Variants in SCAND3 observed in about 807,000 individuals in gnomAD.
SCAND3 encodes the protein SCAN domain containing 3.
At chr6:28,598,739 C>T in the SCAND3 span, among the ~76,000 whole-genome samples, 10,844 of 141,702 alleles carry the variant, frequency 0.077, 960 homozygotes, top group African/African-American at 0.21. Flanking sequence ...TAGCTGAGTG[C>T]GGCGGCGCGC....
chr6:28,585,404 A>G, the SCAND3 span: 1 of 152,198 alleles, frequency 6.6e-6, no homozygotes, highest in East Asian at 1.9e-4. Flanking sequence ...TGTGGGGGCA[A>G]ATGGGAATTA....
chr6:28,589,542 AACTTTG>A, the SCAND3 span: 1 of 152,130 alleles, frequency 6.6e-6, no homozygotes, highest in Non-Finnish European at 1.5e-5. Flanking sequence ...CGTCGAAAAC[AACTTTG>A]TGGTCGCGTG....
the SCAND3 span, among the ~76,000 whole-genome samples, chr6:28,584,020 T>A: frequency 2.0e-5 from 3 of 152,180 alleles, no homozygotes; most frequent in Non-Finnish European, 2.9e-5. Flanking sequence ...TCAGGGAGAA[T>A]TGTATATCAC....
chr6:28,605,473 A>G, the SCAND3 span, among the ~76,000 whole-genome samples: 3 of 152,218 alleles, frequency 2.0e-5, no homozygotes, highest in East Asian at 1.9e-4. Context: ...TAGTATTCCA[A>G]TGGAGAACGT....
the SCAND3 span, among the ~76,000 whole-genome samples, chr6:28,581,345 T>C: frequency 6.6e-6 from 1 of 151,980 alleles, no homozygotes; most frequent in African/African-American, 2.4e-5. Flanking sequence ...CTCAAATAAA[T>C]AAATAAAAAT....
the SCAND3 span, among the ~76,000 whole-genome samples, chr6:28,584,031 A>G: frequency 6.6e-6 from 1 of 152,178 alleles, no homozygotes; most frequent in African/African-American, 2.4e-5. Flanking sequence ...TGTATATCAC[A>G]CCCCGTGCAA....
the SCAND3 span, chr6:28,586,283 C>T: frequency 1.3e-6 from 2 of 1,571,866 alleles, no homozygotes; most frequent in Non-Finnish European, 1.7e-6. This position sits in a 1 kb window ranked among gnomAD's most constrained non-coding sequence, Gnocchi z 4.4. Context: ...GAAGATGGCA[C>T]CTCCAATTTC....
chr6:28,586,755 T>C, the SCAND3 span: 2 of 1,572,216 alleles, frequency 1.3e-6, no homozygotes, highest in South Asian at 1.2e-5. This position sits in a 1 kb window ranked among gnomAD's most constrained non-coding sequence, Gnocchi z 4.4. Context: ...TTCTCTCCAG[T>C]TGGGGTCTAG....
chr6:28,598,207 C>T, the SCAND3 span, among the ~76,000 whole-genome samples: 1 of 152,254 alleles, frequency 6.6e-6, no homozygotes, highest in African/African-American at 2.4e-5. Context: ...TAACCAACTC[C>T]ATCCCATAAT....
the SCAND3 span, among the ~76,000 whole-genome samples, chr6:28,598,859 A>G: frequency 7.1e-6 from 1 of 140,186 alleles, no homozygotes; most frequent in African/African-American, 2.8e-5. Flanking sequence ...CCTGGGTGAC[A>G]GAGTGAGACT....
chr6:28,573,069 G>C, the SCAND3 span: 10 of 1,609,868 alleles, frequency 6.2e-6, no homozygotes, highest in Non-Finnish European at 8.5e-6. Flanking sequence ...AGCTAGTTGT[G>C]TTTGTAGGCA....
the SCAND3 span, among the ~76,000 whole-genome samples, chr6:28,600,080 A>G: frequency 6.6e-6 from 1 of 152,188 alleles, no homozygotes; most frequent in Non-Finnish European, 1.5e-5. Context: ...GGCTTTGGCA[A>G]TTAGTTTATA....
the SCAND3 span, among the ~76,000 whole-genome samples, chr6:28,607,140 C>A: frequency 6.6e-6 from 1 of 152,176 alleles, no homozygotes; most frequent in Non-Finnish European, 1.5e-5. Context: ...AAATGCAAAG[C>A]AACCTGTCTG....
chr6:28,612,911 C>T, the SCAND3 span, among the ~76,000 whole-genome samples: 2 of 152,130 alleles, frequency 1.3e-5, no homozygotes, highest in Admixed American at 1.3e-4. Context: ...ATTTCACTTC[C>T]AAAAGTCCTT....
chr6:28,612,557 C>A, the SCAND3 span, among the ~76,000 whole-genome samples: 2 of 152,294 alleles, frequency 1.3e-5, no homozygotes, highest in African/African-American at 4.8e-5. Context: ...GCACTTTCTT[C>A]TCCTTCCTCC....
chr6:28,589,367 A>T, the SCAND3 span: 2 of 152,090 alleles, frequency 1.3e-5, no homozygotes, highest in African/African-American at 2.4e-5. Flanking sequence ...TACCTACTGT[A>T]CCCTTGTGGT....
At chr6:28,589,364 T>C in the SCAND3 span, 5 of 152,230 alleles carry the variant, frequency 3.3e-5, 1 homozygote, top group South Asian at 8.3e-4. Context: ...ACTTACCTAC[T>C]GTACCCTTGT....
chr6:28,607,247 C>T, the SCAND3 span, among the ~76,000 whole-genome samples: 2 of 152,170 alleles, frequency 1.3e-5, no homozygotes, highest in East Asian at 1.9e-4. Context: ...GGAGTGCGCA[C>T]TTTCTCCTCT....
the SCAND3 span, among the ~76,000 whole-genome samples, chr6:28,595,391 A>G: frequency 5.3e-5 from 8 of 151,216 alleles, no homozygotes; most frequent in African/African-American, 1.9e-4. Flanking sequence ...AGGAGGAAGA[A>G]GAAAGCAGCT....
Sources: gnomAD v4.1 joint callset for allele counts (sites outside exome capture counted in the v4.1 genomes callset) on GRCh38, gnomAD v4.1.1 for gene constraint, Gnocchi (gnomAD v3.1) non-coding constraint, MANE v1.5 for transcripts, NCBI Gene and HGNC (gene_info 2026-07-23, HGNC 2026-07-21) for gene names.